The following KIAA1671 variants were observed in gnomAD, a reference collection of about 807,000 sequenced individuals.
The protein encoded by KIAA1671 is KIAA1671.
KIAA1671 carries 52 observed loss-of-function variants against 131.2 expected under a neutral mutation model. The observed-to-expected ratio is 0.40, with a 90% CI of 0.32 to 0.50. The LOEUF (loss-of-function observed/expected upper bound fraction) is 0.50. Ranked by LOEUF, KIAA1671 falls within the 20% of genes least tolerant of loss-of-function variation. The probability of loss-of-function intolerance (pLI) is 0.73; values close to 1 mark genes in which losing one functional copy is unlikely to be tolerated. For missense variants in KIAA1671, 2,360 were observed against 2,364.2 expected, an observed-to-expected ratio of 1.00 and a Z score of 0.04; for synonymous variants, 1,003 against 961.6, an observed-to-expected ratio of 1.04 and a Z score of -0.80.
intron 1 of KIAA1671, among the ~76,000 whole-genome samples, chr22:24,984,952 A>G (rs927580357): frequency 6.6e-6 from 1 of 151,366 alleles, no homozygotes; most frequent in Non-Finnish European, 1.5e-5. Context: ...GCAAACAGCA[A>G]TAAACGCTGA....
intron 1 of KIAA1671, among the ~76,000 whole-genome samples, chr22:25,021,554 T>C (rs1215400521): frequency 3.3e-5 from 5 of 151,610 alleles, no homozygotes; most frequent in Non-Finnish European, 7.4e-5. Context: ...TTCACTGCTG[T>C]GTCCCTAGCG....
intron 1 of KIAA1671, among the ~76,000 whole-genome samples, chr22:25,016,674 C>T (rs1602069398): frequency 2.6e-5 from 4 of 152,154 alleles, no homozygotes; most frequent in East Asian, 1.9e-4. Context: ...GTGGTTGCCA[C>T]GGGCTGGGGA....
intron 11 of KIAA1671, among the ~76,000 whole-genome samples, chr22:25,188,924 G>C (rs1268774292): frequency 1.3e-5 from 2 of 152,088 alleles, no homozygotes; most frequent in Admixed American, 6.5e-5. Context: ...AGGGTCAGCT[G>C]TATATACATG....
chr22:25,086,536 A>C (rs773714074), intron 6 of KIAA1671, among the ~76,000 whole-genome samples: 4 of 152,222 alleles, frequency 2.6e-5, no homozygotes, highest in Non-Finnish European at 5.9e-5. Flanking sequence ...GCAGGTGCTT[A>C]GCAAATGCTT....
At chr22:25,001,237 A>ATGTATGTGTG (rs1555951935) in intron 1 of KIAA1671, among the ~76,000 whole-genome samples, 1 of 112,674 alleles carries the variant, frequency 8.9e-6, no homozygotes, top group African/African-American at 3.0e-5. Flanking sequence ...GTGTGTGTAT[A>ATGTATGTGTG]TGTGTGTGTG....
intron 10 of KIAA1671, 122 bp from the exon 11 acceptor site, chr22:25,184,853 GTT>G (rs1251535646): frequency 6.7e-6 from 7 of 1,049,634 alleles, no homozygotes; most frequent in Non-Finnish European, 1.0e-5. Context: ...TCCTGTCTGG[GTT>G]TATTCCGATT....
At position 25,195,295 on chromosome 22, in the gene KIAA1671, C is replaced by G. The variant is rs1934789320; in HGVS notation, c.*2894C>G. 1 of 152,180 alleles carries G rather than the reference C, an allele frequency of 6.6e-6. No individual in the cohort carries two copies. The highest frequency in any genetic ancestry group is 6.5e-5 in the Admixed American group (1 of 15,276). 9.4% of individuals were successfully genotyped at this position (152,180 alleles called of 1,614,324 possible). Reference sequence around the variant, plus strand: ...GATACCCTTCTTCATGGTCCTTTGCCTAATCAAACAGAGGCTTTTGGCCTT... The same window carrying G: ...GATACCCTTCTTCATGGTCCTTTGCGTAATCAAACAGAGGCTTTTGGCCTT... On this transcript the variant is annotated 3_prime_UTR_variant, in exon 13 of 13. Coordinates refer to ENST00000358431, the MANE Select transcript of KIAA1671 (RefSeq NM_001145206.2).
At chr22:24,988,735 C>CAAAAAAA (rs133092) in intron 1 of KIAA1671, among the ~76,000 whole-genome samples, 1 of 106,514 alleles carries the variant, frequency 9.4e-6, no homozygotes, top group Non-Finnish European at 2.0e-5. Context: ...GACTCCATCT[C>CAAAAAAA]AAAAAAAAAA....
intron 7 of KIAA1671, among the ~76,000 whole-genome samples, chr22:25,172,588 G>A (rs139330659): frequency 6.6e-6 from 1 of 152,194 alleles, no homozygotes; most frequent in Admixed American, 6.5e-5. Flanking sequence ...TGTCAGGTGT[G>A]CCCACCTGTC....
chr22:25,147,923 C>CT (rs1261360684), intron 6 of KIAA1671, among the ~76,000 whole-genome samples: 2 of 152,048 alleles, frequency 1.3e-5, no homozygotes, highest in African/African-American at 2.4e-5. Flanking sequence ...ATCTTGGTAC[C>CT]TTTATATTAT....
At chr22:25,155,455 T>G (rs973825106) in intron 6 of KIAA1671, among the ~76,000 whole-genome samples, 18 of 151,886 alleles carry the variant, frequency 1.2e-4, no homozygotes, top group African/African-American at 4.4e-4. Context: ...AGGTATGCAT[T>G]TGTGTATATT....
At chr22:25,130,635 G>A (rs1265499168) in intron 6 of KIAA1671, among the ~76,000 whole-genome samples, 2 of 152,218 alleles carry the variant, frequency 1.3e-5, no homozygotes, top group Non-Finnish European at 2.9e-5. Context: ...CAAAGACAAG[G>A]GTGAGGAATC....
intron 6 of KIAA1671, among the ~76,000 whole-genome samples, chr22:25,167,142 A>G (rs1250338946): frequency 6.6e-6 from 1 of 152,192 alleles, no homozygotes; most frequent in Non-Finnish European, 1.5e-5. Flanking sequence ...GCCTCTGAGT[A>G]TATCAGGTGA....
intron 6 of KIAA1671, among the ~76,000 whole-genome samples, chr22:25,156,415 ATG>A (rs1204317777): frequency 2.0e-5 from 3 of 151,160 alleles, no homozygotes; most frequent in African/African-American, 4.9e-5. Flanking sequence ...TCATGTGTAT[ATG>A]TGTTTGTGTG....
intron 6 of KIAA1671, among the ~76,000 whole-genome samples, chr22:25,140,256 A>G (rs1568976223): frequency 6.6e-6 from 1 of 152,226 alleles, no homozygotes; most frequent in Non-Finnish European, 1.5e-5. Context: ...GCTGGAGTCC[A>G]GCCTAGAGGC....
At chr22:24,983,006 G>C (rs570526139) in intron 1 of KIAA1671, among the ~76,000 whole-genome samples, 1 of 152,236 alleles carries the variant, frequency 6.6e-6, no homozygotes, top group East Asian at 1.9e-4. Flanking sequence ...GTACTCCTCT[G>C]ACACCTGCTG....
At chr22:24,995,571 G>T (rs1158239901) in intron 1 of KIAA1671, among the ~76,000 whole-genome samples, 2 of 151,856 alleles carry the variant, frequency 1.3e-5, no homozygotes, top group African/African-American at 4.8e-5. Context: ...CGTTGCCCAG[G>T]ATGGTCTCCA....
intron 6 of KIAA1671, among the ~76,000 whole-genome samples, chr22:25,162,964 A>G (rs757930623): frequency 6.6e-6 from 1 of 152,228 alleles, no homozygotes; most frequent in Non-Finnish European, 1.5e-5. Flanking sequence ...TGATGTGTAC[A>G]TATACTCCCA....
chr22:24,987,028 G>A (rs1229270922), intron 1 of KIAA1671, among the ~76,000 whole-genome samples: 1 of 152,028 alleles, frequency 6.6e-6, no homozygotes, highest in Admixed American at 6.6e-5. Flanking sequence ...CAGACAGGAT[G>A]TAAACAAGTG....
Sources: gnomAD v4.1 joint callset for allele counts (sites outside exome capture counted in the v4.1 genomes callset) on GRCh38, gnomAD v4.1.1 for gene constraint, MANE v1.5 for transcripts, NCBI Gene and HGNC (gene_info 2026-07-23, HGNC 2026-07-21) for gene names.